The following OPCML variants were observed in gnomAD, a reference collection of about 807,000 sequenced individuals.
OPCML encodes the protein opioid binding protein/cell adhesion molecule like.
OPCML carries 13 observed loss-of-function variants against 37.8 expected under a neutral mutation model. The ratio of observed to expected loss-of-function variants is 0.34; its 90% CI spans 0.22 to 0.55. The LOEUF (loss-of-function observed/expected upper bound fraction) is 0.55. OPCML is among the 20% of genes least tolerant of loss of function. The pLI is 0.91. For synonymous variants in OPCML, 176 were observed against 168.8 expected, an observed-to-expected ratio of 1.04 and a Z score of -0.33; for missense variants, 341 against 435.6, an observed-to-expected ratio of 0.78 and a Z score of 1.93.
chr11:133,135,222 A>G (rs1371472756), intron 1 of OPCML, among the ~76,000 whole-genome samples: 1 of 152,202 alleles, frequency 6.6e-6, no homozygotes, highest in East Asian at 1.9e-4. Flanking sequence ...CATAACAATA[A>G]ATAACAGCTG....
chr11:133,076,508 C>G (rs55864038), intron 1 of OPCML, among the ~76,000 whole-genome samples: 2,372 of 152,236 alleles, frequency 0.016, 31 homozygotes, highest in Non-Finnish European at 0.022. Context: ...TTATACAAGA[C>G]TGTAGAATTC....
chr11:133,051,762 C>A (rs1262694018), intron 1 of OPCML, among the ~76,000 whole-genome samples: 1 of 152,212 alleles, frequency 6.6e-6, no homozygotes, highest in Non-Finnish European at 1.5e-5. Flanking sequence ...CTCCCACTGA[C>A]ACCGCACAGA....
In OPCML at chr11:132,990,475, A is replaced by G. The variant is rs369186394; in HGVS notation, c.62-47465T>C. On this transcript the variant is annotated intron_variant, in intron 1 of 7. Coordinates refer to ENST00000524381, the MANE Select transcript of OPCML (RefSeq NM_001012393.5). ...ACACCCCACTATGGCTGTCCAACTG[A>G]TTTTCACAACTACTTCAGTAGGAAA... Among the ~76,000 whole-genome samples the G allele has an allele frequency of 9.2e-4, 140 of 152,282 alleles. 4 individuals carry two copies. The South Asian group carries it at 0.028, about 30-fold the overall frequency.
intron 1 of OPCML, among the ~76,000 whole-genome samples, chr11:133,410,510 A>C (rs1945623058): frequency 6.6e-6 from 1 of 151,546 alleles, no homozygotes; most frequent in Admixed American, 6.6e-5. Flanking sequence ...CCCTCGAGAA[A>C]GGCTGCATAG....
intron 3 of OPCML, among the ~76,000 whole-genome samples, chr11:132,579,922 G>T (rs2096458901): frequency 6.6e-6 from 1 of 152,192 alleles, no homozygotes; most frequent in Non-Finnish European, 1.5e-5. Context: ...TGTGAAAAAT[G>T]TAGTTAACAC....
At chr11:132,521,854 T>G (rs901921731) in intron 4 of OPCML, among the ~76,000 whole-genome samples, 1 of 152,246 alleles carries the variant, frequency 6.6e-6, no homozygotes, top group African/African-American at 2.4e-5. Context: ...AGTTTTTGCA[T>G]GTACTTATTT....
At chr11:132,933,826 T>C (rs1462190738) in intron 2 of OPCML, among the ~76,000 whole-genome samples, 2 of 151,932 alleles carry the variant, frequency 1.3e-5, no homozygotes, top group Non-Finnish European at 2.9e-5. Context: ...CACACGGCGG[T>C]ACAAATTTGA....
intron 1 of OPCML, among the ~76,000 whole-genome samples, chr11:133,139,653 G>A (rs1249907766): frequency 6.6e-6 from 1 of 152,164 alleles, no homozygotes; most frequent in Non-Finnish European, 1.5e-5. Context: ...AGTGGGAGTG[G>A]CTGATGATTT....
chr11:133,185,239 A>G (rs1031484816), intron 1 of OPCML, among the ~76,000 whole-genome samples: 2 of 152,240 alleles, frequency 1.3e-5, no homozygotes, highest in Admixed American at 1.3e-4. Flanking sequence ...TCATTCTCCA[A>G]TTACATTAGG....
At chr11:133,524,383 T>C (rs986529825) in intron 1 of OPCML, among the ~76,000 whole-genome samples, 1 of 152,226 alleles carries the variant, frequency 6.6e-6, no homozygotes, top group Non-Finnish European at 1.5e-5. Context: ...ATTCATGACC[T>C]TCTGCTATGC....
At chr11:133,412,022 T>G (rs1284397691) in intron 1 of OPCML, among the ~76,000 whole-genome samples, 1 of 152,090 alleles carries the variant, frequency 6.6e-6, no homozygotes, top group Non-Finnish European at 1.5e-5. Context: ...TTTACCATGG[T>G]GGTAATCAGA....
At chr11:133,051,191 A>G (rs1591952593) in intron 1 of OPCML, among the ~76,000 whole-genome samples, 2 of 152,274 alleles carry the variant, frequency 1.3e-5, no homozygotes, top group East Asian at 1.9e-4. Context: ...ACTAATAACA[A>G]TGGAAACAAA....
At chr11:133,392,497 T>A (rs1001344599) in intron 1 of OPCML, among the ~76,000 whole-genome samples, 1 of 152,216 alleles carries the variant, frequency 6.6e-6, no homozygotes, top group Non-Finnish European at 1.5e-5. Context: ...GAAGGCTGGA[T>A]CCTGTCGGAG....
chr11:132,541,517 T>C (rs1272778465), intron 3 of OPCML, among the ~76,000 whole-genome samples: 1 of 26,556 alleles, frequency 3.8e-5, no homozygotes, highest in African/African-American at 6.4e-4. Flanking sequence ...TATATCCAGA[T>C]TTTTTTTTTT....
At chr11:132,730,478 T>C (rs1723669202) in intron 2 of OPCML, among the ~76,000 whole-genome samples, 1 of 152,030 alleles carries the variant, frequency 6.6e-6, no homozygotes, top group Admixed American at 6.6e-5. Context: ...ATAAATACGA[T>C]GTCAATTATT....
chr11:132,466,251 C>T (rs562846699), intron 4 of OPCML, among the ~76,000 whole-genome samples: 10 of 150,596 alleles, frequency 6.6e-5, no homozygotes, highest in Non-Finnish European at 1.3e-4. Context: ...TTTGGGAGGC[C>T]GAGGCGGGCG....
At chr11:133,186,519 G>T (rs1480601685) in intron 1 of OPCML, among the ~76,000 whole-genome samples, 2 of 151,824 alleles carry the variant, frequency 1.3e-5, no homozygotes, top group South Asian at 2.1e-4. Flanking sequence ...GGGGCGGGGG[G>T]AAGAGAAAGT....
chr11:132,933,130 G>A (rs114252097), intron 2 of OPCML, among the ~76,000 whole-genome samples: 2 of 152,162 alleles, frequency 1.3e-5, no homozygotes, highest in African/African-American at 2.4e-5. Context: ...GTTGCTGATA[G>A]GTATTCAGGG....
In OPCML at chr11:132,579,153, G is replaced by A. The variant is rs548303822; in HGVS notation, c.380-49967C>T. Among the ~76,000 whole-genome samples the A allele has an allele frequency of 2.5e-3, 375 of 152,248 alleles. 4 individuals are homozygous for A. Among genetic ancestry groups the A allele is most frequent in the African/African-American group, 8.3e-3 (343 of 41,552 alleles). On this transcript the variant is annotated intron_variant, in intron 3 of 7. Coordinates refer to ENST00000524381, the MANE Select transcript of OPCML (RefSeq NM_001012393.5). ...ACAAATGTGGTAACACAGAGTATGC[G>A]TCATGACATCATGGGTGCTAGCAAA...
Sources: gnomAD v4.1 joint callset for allele counts (sites outside exome capture counted in the v4.1 genomes callset) on GRCh38, gnomAD v4.1.1 for gene constraint, MANE v1.5 for transcripts, NCBI Gene and HGNC (gene_info 2026-07-23, HGNC 2026-07-21) for gene names.